Variants in REEP3 observed in about 807,000 individuals in gnomAD.
REEP3 encodes receptor expression-enhancing protein 3.
A neutral mutation model predicts 41.3 loss-of-function variants in REEP3; 20 were observed. The ratio of observed to expected loss-of-function variants is 0.48; its 90% CI spans 0.34 to 0.70. The LOEUF (loss-of-function observed/expected upper bound fraction) is 0.70. REEP3 is among the 30% of genes least tolerant of loss of function. The pLI is 0.01. For synonymous variants in REEP3, 104 were observed against 101.8 expected, an observed-to-expected ratio of 1.02 and a Z score of -0.13; for missense variants, 271 against 308.8, an observed-to-expected ratio of 0.88 and a Z score of 0.92.
At chr10:63,562,853 C>G in intron 1 of REEP3, 1 of 447,154 alleles carries the variant, frequency 2.2e-6, no homozygotes, top group East Asian at 7.0e-5. Context: ...GGGCTGAATT[C>G]TGTCTCCCCA....
At chr10:63,592,848 G>T (rs983368767) in intron 2 of REEP3, among the ~76,000 whole-genome samples, 1 of 152,102 alleles carries the variant, frequency 6.6e-6, no homozygotes, top group African/African-American at 2.4e-5. Context: ...AGCCGAGATT[G>T]CACCACTGCA....
At chr10:63,529,003 G>A (rs1955393661) in intron 1 of REEP3, among the ~76,000 whole-genome samples, 1 of 152,156 alleles carries the variant, frequency 6.6e-6, no homozygotes, top group South Asian at 2.1e-4. Context: ...TATGTTCATT[G>A]CACACAAAAG....
intron 2 of REEP3, among the ~76,000 whole-genome samples, chr10:63,568,128 T>C (rs925783792): frequency 6.6e-6 from 1 of 152,112 alleles, no homozygotes; most frequent in African/African-American, 2.4e-5. Context: ...TAAGTTGGAG[T>C]AAATACTTTG....
At chr10:63,620,728 T>A in intron 7 of REEP3, 85 bp from the exon 8 acceptor site, 2 of 833,588 alleles carry the variant, frequency 2.4e-6, no homozygotes, top group Non-Finnish European at 3.6e-6. Context: ...GGTAAAAAAA[T>A]TACTATGATT....
intron 6 of REEP3, among the ~76,000 whole-genome samples, chr10:63,613,608 C>T (rs979182940): frequency 6.6e-6 from 1 of 151,928 alleles, no homozygotes; most frequent in South Asian, 2.1e-4. Context: ...GTTCTAGGAC[C>T]GGAATAGGTG....
chr10:63,594,118 C>T (rs1430160357), intron 2 of REEP3, among the ~76,000 whole-genome samples: 1 of 151,536 alleles, frequency 6.6e-6, no homozygotes, highest in Non-Finnish European at 1.5e-5. Flanking sequence ...TGGCTCATGC[C>T]TGCAATCCCA....
At chr10:63,594,560 C>T (rs1276149587) in intron 2 of REEP3, among the ~76,000 whole-genome samples, 1 of 152,092 alleles carries the variant, frequency 6.6e-6, no homozygotes, top group Non-Finnish European at 1.5e-5. Context: ...TCCTGCTATC[C>T]CAAGACTGTT....
chr10:63,525,902 A>G (rs999413636), intron 1 of REEP3, among the ~76,000 whole-genome samples: 3 of 152,206 alleles, frequency 2.0e-5, no homozygotes, highest in African/African-American at 4.8e-5. Context: ...TGCCAAATTC[A>G]ACTATTAACT....
chr10:63,609,014 G>GCC (rs1956254793), intron 5 of REEP3, among the ~76,000 whole-genome samples: 1 of 152,186 alleles, frequency 6.6e-6, no homozygotes, highest in Non-Finnish European at 1.5e-5. Context: ...GATATGTCTT[G>GCC]CCAGATAGTT....
At chr10:63,584,710 A>G (rs899093745) in intron 2 of REEP3, among the ~76,000 whole-genome samples, 1 of 152,182 alleles carries the variant, frequency 6.6e-6, no homozygotes, top group African/African-American at 2.4e-5. Flanking sequence ...TTTCAACTCT[A>G]TACTGTCTCT....
chr10:63,550,394 CA>C (rs1955617555), intron 1 of REEP3, among the ~76,000 whole-genome samples: 1 of 151,890 alleles, frequency 6.6e-6, no homozygotes, highest in Non-Finnish European at 1.5e-5. Context: ...TTGAATATAT[CA>C]AATATAACTA....
intron 2 of REEP3, among the ~76,000 whole-genome samples, chr10:63,576,382 C>G (rs1050336880): frequency 4.6e-5 from 7 of 152,206 alleles, no homozygotes; most frequent in African/African-American, 2.4e-5. Flanking sequence ...GGGCCACACT[C>G]CCTCAGAAAC....
chr10:63,536,454 C>T (rs1275262012), intron 1 of REEP3, among the ~76,000 whole-genome samples: 1 of 152,074 alleles, frequency 6.6e-6, no homozygotes, highest in Non-Finnish European at 1.5e-5. Flanking sequence ...AAAATATCCT[C>T]AGGATATAGA....
intron 2 of REEP3, among the ~76,000 whole-genome samples, chr10:63,579,959 C>T (rs1955934489): frequency 6.6e-6 from 1 of 152,140 alleles, no homozygotes; most frequent in Admixed American, 6.5e-5. Flanking sequence ...TTTCAGAAAA[C>T]ATAGCCTCAC....
intron 1 of REEP3, among the ~76,000 whole-genome samples, chr10:63,554,056 C>G (rs543440047): frequency 9.9e-5 from 15 of 151,022 alleles, no homozygotes; most frequent in African/African-American, 3.6e-4. Flanking sequence ...GAGTGGAGAT[C>G]GCACCACTGC....
chr10:63,534,972 C>T (rs1955461273), intron 1 of REEP3, among the ~76,000 whole-genome samples: 1 of 152,208 alleles, frequency 6.6e-6, no homozygotes, highest in African/African-American at 2.4e-5. Context: ...TATGCCATCA[C>T]TGTCACTTGG....
At chr10:63,533,168 A>G (rs1955440212) in intron 1 of REEP3, among the ~76,000 whole-genome samples, 1 of 152,162 alleles carries the variant, frequency 6.6e-6, no homozygotes, top group Non-Finnish European at 1.5e-5. Flanking sequence ...AAGATCTTAA[A>G]CTATACTGCT....
At chr10:63,551,888 ATG>A (rs1955631873) in intron 1 of REEP3, among the ~76,000 whole-genome samples, 1 of 152,198 alleles carries the variant, frequency 6.6e-6, no homozygotes, top group Admixed American at 6.5e-5. Context: ...ATTGTGGCAA[ATG>A]TGTCATACCA....
intron 2 of REEP3, among the ~76,000 whole-genome samples, chr10:63,571,840 A>T (rs896253058): frequency 6.6e-6 from 1 of 152,190 alleles, no homozygotes; most frequent in East Asian, 1.9e-4. Flanking sequence ...AGTCACATGG[A>T]TTGTAAAGAC....
Sources: gnomAD v4.1 joint callset for allele counts (sites outside exome capture counted in the v4.1 genomes callset) on GRCh38, gnomAD v4.1.1 for gene constraint, MANE v1.5 for transcripts, NCBI Gene and HGNC (gene_info 2026-07-23, HGNC 2026-07-21) for gene names.